The following BAHD1 variants were observed in gnomAD, a reference collection of about 807,000 sequenced individuals.
BAHD1 encodes bromo adjacent homology domain containing 1.
Under a neutral mutation model 63.1 loss-of-function variants are expected in BAHD1, and 20 were observed. The ratio of observed to expected loss-of-function variants is 0.32; its 90% CI spans 0.22 to 0.46. The LOEUF (loss-of-function observed/expected upper bound fraction) is 0.46, where lower values mean the gene tolerates loss of function less well. Among genes scored for constraint, BAHD1 ranks in the 20% least tolerant of loss-of-function variants. BAHD1 has a pLI of 1.00. For missense variants in BAHD1, 939 were observed against 1,071.8 expected, an observed-to-expected ratio of 0.88 and a Z score of 1.73; for synonymous variants, 408 against 426.8, an observed-to-expected ratio of 0.96 and a Z score of 0.54.
chr15:40,448,333 G>T (rs911048476), intron 1 of BAHD1, among the ~76,000 whole-genome samples: 1 of 152,102 alleles, frequency 6.6e-6, no homozygotes, highest in Non-Finnish European at 1.5e-5. Flanking sequence ...TACATCTTCA[G>T]TTCCTCTGTG....
At position 40,465,961 on chromosome 15, in the gene BAHD1, G is replaced by A. The variant is rs769142908; in HGVS notation, c.2174G>A (p.Arg725His). Residue 725 changes from arginine (R) to histidine (H), a missense_variant, in exon 7 of 7, where the codon CGC (arginine) becomes CAC (histidine). Arg to His is a conservative substitution (Grantham distance 29). Coordinates refer to ENST00000416165, the MANE Select transcript of BAHD1 (RefSeq NM_014952.5). ...TACAGGTTCTGTGCCATGGCCAAGC[G>A]CCGAGGTGAAGGCCTCCCCAGCCGA... ...EYCRFCAMAK[R>H]RGEGLPSRKT... is the part of the protein sequence containing the mutation. 13 of 1,600,594 alleles carry A rather than the reference G, an allele frequency of 8.1e-6. No homozygotes were observed. Among genetic ancestry groups the A allele is most frequent in the African/African-American group, 1.3e-5 (1 of 74,424 alleles).
In BAHD1 at chr15:40,463,957, C is replaced by G. The variant is rs1345917717; in HGVS notation, c.1912C>G (p.Pro638Ala). The G allele has an allele frequency of 6.2e-7, 1 of 1,614,196 alleles. No individual in the cohort carries two copies. Among genetic ancestry groups the G allele is most frequent in the Non-Finnish European group, 8.5e-7 (1 of 1,180,044 alleles). ...GGACACCGTCCTTCTCAAATCAGGC[C>G]CACGAAAGACCTCCACACCTTATGT... Reference protein sequence around the residue: ...VRDTVLLKSGPRKTSTPYVAK... With the variant: ...VRDTVLLKSGARKTSTPYVAK... Residue 638 changes from proline to alanine, a missense_variant, in exon 4 of 7, where the codon CCA becomes GCA. Coordinates refer to ENST00000416165, the MANE Select transcript of BAHD1 (RefSeq NM_014952.5).
At chr15:40,463,166 A>G (rs371481591) in intron 3 of BAHD1, among the ~76,000 whole-genome samples, 4 of 152,298 alleles carry the variant, frequency 2.6e-5, no homozygotes, top group East Asian at 1.9e-4. Flanking sequence ...TTAGCCAGGC[A>G]TGGTAGCATG....
chr15:40,456,749 CTG>C (rs1202496332), intron 1 of BAHD1, among the ~76,000 whole-genome samples: 1 of 152,214 alleles, frequency 6.6e-6, no homozygotes, highest in Non-Finnish European at 1.5e-5. Context: ...CTCAGTTCCT[CTG>C]TAGAATGAGT....
At chr15:40,441,406 C>T (rs1281647444) in intron 1 of BAHD1, 138 bp downstream of exon 1, 1 of 150,990 alleles carries the variant, frequency 6.6e-6, no homozygotes, top group Non-Finnish European at 1.5e-5. Flanking sequence ...GCCACCGCCC[C>T]CGCCAGCCCG....
chr15:40,437,635 G>A (rs555762491), upstream of BAHD1, among the ~76,000 whole-genome samples: 11 of 152,310 alleles, frequency 7.2e-5, no homozygotes, highest in African/African-American at 2.6e-4. Flanking sequence ...TTGGGACAGG[G>A]GCTGCCCCAC....
rs76974745 is a variant in BAHD1, at chr15:40,454,931, G to A, written c.-14-3520G>A. Among the ~76,000 whole-genome samples, 1,290 of 152,284 alleles carry A rather than the reference G, an allele frequency of 8.5e-3. 9 individuals carry two copies. The highest frequency in any genetic ancestry group is 0.015 in the Non-Finnish European group (1,006 of 68,008). On this transcript the variant is annotated intron_variant, in intron 1 of 6. Transcript: ENST00000416165. ...GGGCCATCCCTTGTGGTTTGGAGGG[G>A]CCCTGGCAGGCTTGTAGCCCCTCCA...
chr15:40,466,224 GA>G lies in BAHD1; in HGVS notation c.*95del. ...CACAGCACTTGGTTAGGGGGCCACAGAGGCCTAAGTTTGCTGGCCTGTGGTT... is the reference window on the plus strand; with the variant it reads ...CACAGCACTTGGTTAGGGGGCCACAGGGCCTAAGTTTGCTGGCCTGTGGTT... On this transcript the variant is annotated 3_prime_UTR_variant, in exon 7 of 7. Coordinates refer to ENST00000416165, the MANE Select transcript of BAHD1 (RefSeq NM_014952.5). 8.3e-7 allele frequency: 1 copy of G among 1,202,746 alleles called. No individual in the cohort carries two copies. The allele number at this position is 1,202,746 out of a possible 1,614,324, so 74.5% of individuals were successfully genotyped here. A position where few individuals can be genotyped will look rare whatever the true frequency, so the allele number is the denominator to read the frequency against.
At position 40,460,784 on chromosome 15, in the gene BAHD1, TC is replaced by T. The variant is rs150481032; in HGVS notation, c.1432+890del. 9.2e-5 allele frequency among the ~76,000 whole-genome samples: 14 copies of T among 152,294 alleles called. No individual in the cohort carries two copies. In the East Asian group the frequency reaches 2.7e-3, roughly 29 times the overall value. On this transcript the variant is annotated intron_variant, in intron 2 of 6. Coordinates refer to ENST00000416165, the MANE Select transcript of BAHD1 (RefSeq NM_014952.5). ...CTTCCAGATCTCCCTTCCCCTGACA[TC>T]CTTTCTTGTAGGGGTCTATAAAACA... is the stretch of plus-strand genomic sequence containing the variant.
intron 1 of BAHD1, among the ~76,000 whole-genome samples, chr15:40,442,129 T>C (rs947009540): frequency 6.6e-6 from 1 of 152,080 alleles, no homozygotes; most frequent in Non-Finnish European, 1.5e-5. Context: ...GCCGCCTCTC[T>C]TCTGGGGCTG....
Position 40,441,086 on chromosome 15 carries a change from C to G in BAHD1, c.-197C>G, listed in dbSNP as rs959290208. 2 of 146,514 alleles carry G rather than the reference C, an allele frequency of 1.4e-5. No individual in the cohort carries two copies. Among genetic ancestry groups the G allele is most frequent in the Non-Finnish European group, 3.0e-5 (2 of 65,772 alleles). The allele number at this position is 146,514 out of a possible 1,614,324, so 9.1% of individuals were successfully genotyped here. A position where few individuals can be genotyped will look rare whatever the true frequency, so the allele number is the denominator to read the frequency against. ...CCCGGCCAGGCGCGCCCGCCCCCCC[C>G]GACGGCCCCGCCCGGCCGCGGTCCC... is the stretch of plus-strand genomic sequence containing the variant. On this transcript the variant is annotated 5_prime_UTR_variant, in exon 1 of 7. Transcript: ENST00000416165.
chr15:40,464,815 C>T (rs1894153304), intron 5 of BAHD1: 1 of 495,062 alleles, frequency 2.0e-6, no homozygotes, highest in East Asian at 3.5e-5. Flanking sequence ...CCAATGGGAG[C>T]AAGTGGATGT....
At chr15:40,460,492 G>A (rs1008237642) in intron 2 of BAHD1, among the ~76,000 whole-genome samples, 1 of 152,094 alleles carries the variant, frequency 6.6e-6, no homozygotes, top group African/African-American at 2.4e-5. Flanking sequence ...TAGAGAGGGT[G>A]CACCATGAGA....
intron 2 of BAHD1, among the ~76,000 whole-genome samples, chr15:40,461,110 T>C (rs1385589941): frequency 6.6e-6 from 1 of 152,186 alleles, no homozygotes; most frequent in East Asian, 1.9e-4. Flanking sequence ...GCCATGTGAC[T>C]ATGGGCGAGT....
chr15:40,451,261 G>C (rs776390139), intron 1 of BAHD1, among the ~76,000 whole-genome samples: 3 of 143,780 alleles, frequency 2.1e-5, no homozygotes, highest in Non-Finnish European at 4.5e-5. Flanking sequence ...CTGGGCTTTT[G>C]TTCCCACGGT....
rs747372038 is a variant in BAHD1, at chr15:40,458,532, T to C, written c.68T>C (p.Leu23Pro). ...SSGLTGRREP[L>P]QMEDSNMEQG... Reference sequence around the variant, plus strand: ...GGCCTCACTGGCCGCCGAGAGCCCCTGCAGATGGAAGACAGCAACATGGAG... The same window carrying C: ...GGCCTCACTGGCCGCCGAGAGCCCCCGCAGATGGAAGACAGCAACATGGAG... Residue 23 changes from leucine to proline, a missense_variant, in exon 2 of 7, where the codon CTG (leucine) becomes CCG (proline). Transcript: ENST00000416165. This position sits in a 1 kb window ranked among gnomAD's most constrained non-coding sequence, Gnocchi z 4.7. The C allele has an allele frequency of 1.7e-5, 28 of 1,613,214 alleles. No homozygotes were observed. Among genetic ancestry groups the C allele is most frequent in the Non-Finnish European group, 1.7e-5 (20 of 1,179,660 alleles).
intron 1 of BAHD1, among the ~76,000 whole-genome samples, chr15:40,457,975 T>C (rs1209194810): frequency 6.6e-6 from 1 of 151,892 alleles, no homozygotes; most frequent in Non-Finnish European, 1.5e-5. Context: ...ATCTCACCAA[T>C]GCACTCCAGC....
At chr15:40,453,709 G>A (rs551556624) in intron 1 of BAHD1, 3 of 152,376 alleles carry the variant, frequency 2.0e-5, no homozygotes, top group Non-Finnish European at 2.9e-5. Context: ...CAGCACTGTG[G>A]GAGGCCAAGG....
upstream of BAHD1, among the ~76,000 whole-genome samples, chr15:40,440,157 C>CA (rs1566956386): frequency 6.6e-6 from 1 of 152,134 alleles, no homozygotes; most frequent in East Asian, 1.9e-4. Flanking sequence ...TGGATGAGGG[C>CA]TCCACACTCT....
Sources: gnomAD v4.1 joint callset for allele counts (sites outside exome capture counted in the v4.1 genomes callset) on GRCh38, gnomAD v4.1.1 for gene constraint, Gnocchi (gnomAD v3.1) non-coding constraint, MANE v1.5 for transcripts, NCBI Gene and HGNC (gene_info 2026-07-23, HGNC 2026-07-21) for gene names.